The following FAM227A variants were observed in gnomAD, a reference collection of about 807,000 sequenced individuals.
FAM227A encodes the protein protein FAM227A.
In FAM227A, 80 loss-of-function variants were observed where a neutral mutation model predicts 74.7. The observed-to-expected ratio is 1.07, with a 90% CI of 0.89 to 1.29. FAM227A has a LOEUF of 1.29. Ranked by LOEUF, FAM227A falls within the 50% of genes most tolerant of loss-of-function variation. The pLI is 0.00. For missense variants in FAM227A, 654 were observed against 683.4 expected (o/e 0.96, Z 0.48); for synonymous variants, 237 against 241.8 (o/e 0.98, Z 0.19).
intron 15 of FAM227A, among the ~76,000 whole-genome samples, chr22:38,595,064 A>G (rs1159235233): frequency 6.6e-6 from 1 of 152,182 alleles, no homozygotes; most frequent in Non-Finnish European, 1.5e-5. Context: ...CACCACTGCA[A>G]TGCAGCCTGG....
At chr22:38,597,455 G>T in intron 14 of FAM227A, 99 bp from the exon 15 acceptor site, 1 of 1,169,850 alleles carries the variant, frequency 8.5e-7, no homozygotes, top group Non-Finnish European at 1.2e-6. Context: ...GGGGCATGGA[G>T]GACAGAACAG....
At chr22:38,590,593 C>T (rs2090911070) in intron 16 of FAM227A, among the ~76,000 whole-genome samples, 1 of 152,194 alleles carries the variant, frequency 6.6e-6, no homozygotes, top group Non-Finnish European at 1.5e-5. Flanking sequence ...TAAGCTGCTA[C>T]ATTCTCCTTC....
rs1419038916 is a variant in FAM227A, at chr22:38,639,639, A to G, written c.295+16T>C. 1 of 1,551,456 alleles carries G rather than the reference A, an allele frequency of 6.4e-7. No homozygotes were observed. The highest frequency in any genetic ancestry group is 2.4e-5 in the East Asian group (1 of 40,924). ...CCCCATGAAAAGAGCATCAAGGCTG[A>G]GGGAAAGGTTTTTGCCTTTGTCTTC... On this transcript the variant is annotated intron_variant, in intron 4 of 16. Transcript: ENST00000535113.
At chr22:38,616,011 G>C (rs1454260153) in intron 11 of FAM227A, among the ~76,000 whole-genome samples, 1 of 152,124 alleles carries the variant, frequency 6.6e-6, no homozygotes, top group Non-Finnish European at 1.5e-5. Context: ...GGTCACTGGC[G>C]TATGGGCGGT....
intron 15 of FAM227A, among the ~76,000 whole-genome samples, chr22:38,596,875 GATAT>G (rs898517288): frequency 3.3e-5 from 5 of 152,116 alleles, no homozygotes; most frequent in Admixed American, 1.3e-4. Flanking sequence ...TAGTGATACG[GATAT>G]ATGGGCCCAG....
chr22:38,633,927 T>C (rs1442295133), intron 6 of FAM227A, among the ~76,000 whole-genome samples: 1 of 152,004 alleles, frequency 6.6e-6, no homozygotes, highest in African/African-American at 2.4e-5. Flanking sequence ...CTTACATAGA[T>C]TGAATTATTG....
At chr22:38,590,315 A>C (rs2090905187) in intron 16 of FAM227A, among the ~76,000 whole-genome samples, 1 of 150,132 alleles carries the variant, frequency 6.7e-6, no homozygotes, top group African/African-American at 2.4e-5. Context: ...TGTTTTGGAT[A>C]TGCAAAGACT....
intron 11 of FAM227A, among the ~76,000 whole-genome samples, chr22:38,618,738 T>G (rs1458276354): frequency 6.6e-6 from 1 of 152,176 alleles, no homozygotes; most frequent in Non-Finnish European, 1.5e-5. Context: ...GACCAGGGGT[T>G]AGCAAACTTT....
chr22:38,637,669 G>A (rs1037042586), intron 5 of FAM227A, among the ~76,000 whole-genome samples: 8 of 152,224 alleles, frequency 5.3e-5, no homozygotes, highest in African/African-American at 1.9e-4. Flanking sequence ...CCATGTGCTG[G>A]CTGTGCCACC....
At chr22:38,647,366 A>G (rs2092258133) in intron 2 of FAM227A, among the ~76,000 whole-genome samples, 1 of 151,960 alleles carries the variant, frequency 6.6e-6, no homozygotes, top group Admixed American at 6.6e-5. Flanking sequence ...TTGAGCGCTG[A>G]GGCAGGAGAA....
intron 6 of FAM227A, among the ~76,000 whole-genome samples, chr22:38,629,511 T>C (rs982515552): frequency 6.6e-6 from 1 of 152,254 alleles, no homozygotes; most frequent in Non-Finnish European, 1.5e-5. Flanking sequence ...CCTCTCACTT[T>C]ATTTTCCACA....
chr22:38,628,050 T>C (rs2091845166), intron 8 of FAM227A, among the ~76,000 whole-genome samples, 188 bp downstream of exon 8: 1 of 152,190 alleles, frequency 6.6e-6, no homozygotes, highest in Non-Finnish European at 1.5e-5. Context: ...AAATATATCA[T>C]TGCATCTCCC....
At position 38,580,842 on chromosome 22, in the gene FAM227A, G is replaced by C. The variant is rs1489063849; in HGVS notation, c.*5283C>G. On this transcript the variant is annotated 3_prime_UTR_variant, in exon 17 of 17. Coordinates refer to ENST00000535113, the MANE Select transcript of FAM227A (RefSeq NM_001013647.2). ...CACCTAGGCTGGAGTGCAGTGGTGCGATCTCAGCTCACTGTAACCTCCGCC... is the reference window on the plus strand; with the variant it reads ...CACCTAGGCTGGAGTGCAGTGGTGCCATCTCAGCTCACTGTAACCTCCGCC... 2.0e-5 allele frequency: 3 copies of C among 152,210 alleles called. No individual in the cohort carries two copies. In the East Asian group the frequency reaches 5.8e-4, roughly 29 times the overall value. 9.4% of individuals were successfully genotyped at this position (152,210 alleles called of 1,614,324 possible). A position where few individuals can be genotyped will look rare whatever the true frequency, so the allele number is the denominator to read the frequency against.
intron 3 of FAM227A, among the ~76,000 whole-genome samples, chr22:38,640,832 C>T (rs2092099935): frequency 6.6e-6 from 1 of 152,118 alleles, no homozygotes; most frequent in South Asian, 2.1e-4. Context: ...CCAGGCCTCC[C>T]CCATCTTTCC....
At chr22:38,655,270 C>T (rs997328076) in intron 1 of FAM227A, among the ~76,000 whole-genome samples, 4 of 151,978 alleles carry the variant, frequency 2.6e-5, no homozygotes, top group African/African-American at 9.7e-5. Context: ...TGGCCCGCAC[C>T]TGTAATACCA....
In FAM227A at chr22:38,582,943, T is replaced by C; in HGVS notation, c.*3182A>G. On this transcript the variant is annotated 3_prime_UTR_variant, in exon 17 of 17. Transcript: ENST00000535113. ...CTGGAGGAAGAGCAGGAATTAGTGA[T>C]GTTGGCAGTTAACAAAGAGGAGGGA... 1.3e-6 allele frequency: 2 copies of C among 1,550,422 alleles called. No homozygotes were observed. The highest frequency in any genetic ancestry group is 1.7e-6 in the Non-Finnish European group (2 of 1,146,972).
At position 38,586,104 on chromosome 22, in the gene FAM227A, G is replaced by A; in HGVS notation, c.*21C>T. The A allele has an allele frequency of 3.2e-6, 5 of 1,552,004 alleles. No individual in the cohort carries two copies. The highest frequency in any genetic ancestry group is 4.4e-6 in the Non-Finnish European group (5 of 1,147,038). On this transcript the variant is annotated 3_prime_UTR_variant, in exon 17 of 17. Transcript: ENST00000535113. ...ATCACGGATTCTGTAGGCGCTTCCT[G>A]GTTCTAGGTTGTGGAGCTCCTCAGG... is the stretch of plus-strand genomic sequence containing the variant.
chr22:38,610,450 T>G (rs528625505), intron 11 of FAM227A, among the ~76,000 whole-genome samples: 1 of 152,294 alleles, frequency 6.6e-6, no homozygotes, highest in East Asian at 1.9e-4. Context: ...AGCTTGCTGA[T>G]GCAGAGAGAG....
intron 3 of FAM227A, among the ~76,000 whole-genome samples, chr22:38,644,814 G>A (rs1018691824): frequency 2.6e-5 from 4 of 152,188 alleles, no homozygotes; most frequent in Non-Finnish European, 5.9e-5. Flanking sequence ...TAGGCCGGGC[G>A]TGGTGGCTCA....
Sources: allele counts gnomAD v4.1 joint callset (sites outside exome capture counted in the v4.1 genomes callset), GRCh38; gene constraint gnomAD v4.1.1; transcripts MANE v1.5; gene names NCBI Gene and HGNC (gene_info 2026-07-23, HGNC 2026-07-21).